DAGLA: variants seen among roughly 807,000 people sequenced by gnomAD.
DAGLA encodes diacylglycerol lipase-alpha.
A neutral mutation model predicts 102.6 loss-of-function variants in DAGLA; 22 were observed. The observed-to-expected ratio is 0.21, with a 90% confidence interval of 0.15 to 0.31. The LOEUF (loss-of-function observed/expected upper bound fraction) is 0.31. Among genes scored for constraint, DAGLA ranks in the 10% least tolerant of loss-of-function variants. DAGLA has a pLI of 1.00. For missense variants in DAGLA, 927 were observed against 1,446.6 expected (o/e 0.64, Z 5.83); for synonymous variants, 578 against 628.9 (o/e 0.92, Z 1.21).
chr11:61,717,534 T>A (rs2065245578), intron 1 of DAGLA, among the ~76,000 whole-genome samples: 1 of 152,214 alleles, frequency 6.6e-6, no homozygotes, highest in Admixed American at 6.5e-5. Context: ...TCACCAGGAC[T>A]TTAGGAGGTA....
chr11:61,740,439 C>A (rs770223028), intron 17 of DAGLA, 24 bp from the exon 18 acceptor site: 1 of 1,610,010 alleles, frequency 6.2e-7, no homozygotes, highest in Admixed American at 1.7e-5. Flanking sequence ...ACCCTTAACT[C>A]CCCTCTGTCC....
intron 4 of DAGLA, 45 bp downstream of exon 4, chr11:61,723,005 C>CACAGGGGA (rs1189763574): frequency 4.8e-6 from 7 of 1,458,570 alleles, no homozygotes; most frequent in Non-Finnish European, 5.8e-6. Flanking sequence ...GCCCCGGGGG[C>CACAGGGGA]ACAGGGGACG....
chr11:61,745,265 A>T lies in DAGLA; in HGVS notation c.*776A>T, dbSNP rs1446442568. On this transcript the variant is annotated 3_prime_UTR_variant, in exon 20 of 20. Coordinates refer to ENST00000257215, the MANE Select transcript of DAGLA (RefSeq NM_006133.3). ...CCTGGCTTACCTTCTACCCCCAAGG[A>T]TCCTCACCACCCAAAGGGTGGTGGG... 3 of 152,440 alleles carry T rather than the reference A, an allele frequency of 2.0e-5. No individual in the cohort carries two copies. Among genetic ancestry groups the T allele is most frequent in the African/African-American group, 7.3e-5 (3 of 41,274 alleles). 9.4% of individuals were successfully genotyped at this position (152,440 alleles called of 1,614,324 possible).
chr11:61,743,410 TCAA>T lies in DAGLA; in HGVS notation c.2172-117_2172-115del, dbSNP rs905089201. 2.7e-4 allele frequency: 165 copies of T among 610,776 alleles called. No homozygotes were observed. In the Middle Eastern group the frequency reaches 3.3e-3, roughly 12 times the overall value. 37.8% of individuals were successfully genotyped at this position (610,776 alleles called of 1,614,324 possible). On this transcript the variant is annotated intron_variant, in intron 19 of 19. Transcript: ENST00000257215. ...AATAAGCATTCCCTGCTGCACATCA[TCAA>T]CAACTGCTAAATGAACTGTACCCTT...
At chr11:61,710,448 C>T (rs922113388) in intron 1 of DAGLA, among the ~76,000 whole-genome samples, 10 of 152,122 alleles carry the variant, frequency 6.6e-5, no homozygotes, top group South Asian at 2.1e-4. Context: ...CTGATAGATG[C>T]GGGGCATCCT....
In DAGLA at chr11:61,746,227, CTG is replaced by C. The variant is rs2065537877; in HGVS notation, c.*1740_*1741del. 6.6e-6 allele frequency: 1 copy of C among 152,360 alleles called. No homozygotes were observed. Among genetic ancestry groups the C allele is most frequent in the African/African-American group, 2.4e-5 (1 of 41,450 alleles). The allele number at this position is 152,360 out of a possible 1,614,324, so 9.4% of individuals were successfully genotyped here. On this transcript the variant is annotated 3_prime_UTR_variant, in exon 20 of 20. Coordinates refer to ENST00000257215, the MANE Select transcript of DAGLA (RefSeq NM_006133.3). Reference sequence around the variant, plus strand: ...AGGGAGCTGGGCCTCCCCTCATCCTCTGTAACTCCCGCCTTCACCAGACTCAA... The same window carrying C: ...AGGGAGCTGGGCCTCCCCTCATCCTCTAACTCCCGCCTTCACCAGACTCAA...
intron 1 of DAGLA, among the ~76,000 whole-genome samples, chr11:61,701,351 C>T (rs1250324489): frequency 6.6e-6 from 1 of 152,202 alleles, no homozygotes; most frequent in African/African-American, 2.4e-5. Flanking sequence ...CCAGCCTCTC[C>T]GCTGCCAGGC....
At position 61,739,679 on chromosome 11, in the gene DAGLA, C is replaced by T; in HGVS notation, c.1853+18C>T. 6.2e-7 allele frequency: 1 copy of T among 1,610,716 alleles called. No homozygotes were observed. The highest frequency in any genetic ancestry group is 8.5e-7 in the Non-Finnish European group (1 of 1,179,052). On this transcript the variant is annotated intron_variant, in intron 17 of 19. Coordinates refer to ENST00000257215, the MANE Select transcript of DAGLA (RefSeq NM_006133.3). ...CAGTGCTGGTAGGTTCTGCCAGGGT[C>T]TGCTGCTGCAGGGGGTAGTGGCCAG...
Position 61,720,230 on chromosome 11 carries a change from C to T in DAGLA, c.75C>T (p.Leu25=), listed in dbSNP as rs771951791. The change falls in exon 2 of 20, where the codon CTC becomes CTT. Residue 25 remains leucine (L), a synonymous_variant. Transcript: ENST00000257215. ...ACCTCGTCCTACCGGCCATCTTCCT[C>T]TTTCTCCTGCATACCACCTGGTGAG... ...SDDLVLPAIF[L]FLLHTTWFVI... 3.1e-6 allele frequency: 5 copies of T among 1,613,854 alleles called. No homozygotes were observed. The highest frequency in any genetic ancestry group is 8.5e-7 in the Non-Finnish European group (1 of 1,180,042).
At chr11:61,704,421 G>A (rs1171082548) in intron 1 of DAGLA, among the ~76,000 whole-genome samples, 5 of 152,308 alleles carry the variant, frequency 3.3e-5, no homozygotes, top group South Asian at 2.1e-4. Flanking sequence ...TGCCCTGCCC[G>A]ACCAAAGGAT....
chr11:61,742,479 TGAA>T (rs946884636), intron 19 of DAGLA, among the ~76,000 whole-genome samples: 17 of 152,256 alleles, frequency 1.1e-4, no homozygotes, highest in African/African-American at 3.9e-4. Flanking sequence ...CACAACCCGA[TGAA>T]GAAGCCAGTG....
At chr11:61,735,840 G>C (rs371243885) in intron 12 of DAGLA, 24 bp downstream of exon 12, 38 of 1,587,452 alleles carry the variant, frequency 2.4e-5, no homozygotes, top group Non-Finnish European at 3.1e-5. Context: ...TGGACCCCAG[G>C]GCCCCTGGGC....
chr11:61,734,841 C>A lies in DAGLA; in HGVS notation c.975-8C>A. 2 of 1,609,700 alleles carry A rather than the reference C, an allele frequency of 1.2e-6. No individual in the cohort carries two copies. The highest frequency in any genetic ancestry group is 1.7e-6 in the Non-Finnish European group (2 of 1,176,562). ...CTGGCCCTGAACTCTCTTGTCACCC[C>A]ACCCTAGGTGTTGCCTGTGTCCTGC... On this transcript the variant is annotated splice_polypyrimidine_tract_variant and splice_region_variant and intron_variant, in intron 9 of 19. Transcript: ENST00000257215. This position sits in a 1 kb window ranked among gnomAD's most constrained non-coding sequence, Gnocchi z 4.2.
intron 2 of DAGLA, 93 bp downstream of exon 2, chr11:61,720,343 C>T: frequency 7.8e-7 from 1 of 1,289,690 alleles, no homozygotes; most frequent in Non-Finnish European, 1.1e-6. Flanking sequence ...TGCTTGGGCC[C>T]AAGTCCCAAC....
rs182475049 is a variant in DAGLA, at chr11:61,690,559, C to G, written c.-45+10055C>G. Among the ~76,000 whole-genome samples, 173 of 152,312 alleles carry G rather than the reference C, an allele frequency of 1.1e-3. 1 individual carries two copies. Among genetic ancestry groups the G allele is most frequent in the Admixed American group, 0.011 (173 of 15,302 alleles). On this transcript the variant is annotated intron_variant, in intron 1 of 19. Coordinates refer to ENST00000257215, the MANE Select transcript of DAGLA (RefSeq NM_006133.3). Reference sequence around the variant, plus strand: ...TTTTCTAGACACTCACCCCTCTAGGCTCTGTGCTCAGGACAGTCCCATGGC... The same window carrying G: ...TTTTCTAGACACTCACCCCTCTAGGGTCTGTGCTCAGGACAGTCCCATGGC...
At position 61,727,206 on chromosome 11, in the gene DAGLA, T is replaced by C. The variant is rs550635812; in HGVS notation, c.637-947T>C. Among the ~76,000 whole-genome samples the C allele has an allele frequency of 5.3e-5, 8 of 152,356 alleles. No homozygotes were observed. The South Asian group carries it at 1.7e-3, about 32-fold the overall frequency. ...GTGTTGTGTTGCTTACACATTTTAATTGGATGCCAGCATTTAAAAATCAGG... is the reference window on the plus strand; with the variant it reads ...GTGTTGTGTTGCTTACACATTTTAACTGGATGCCAGCATTTAAAAATCAGG... On this transcript the variant is annotated intron_variant, in intron 6 of 19. Transcript: ENST00000257215.
Position 61,746,200 on chromosome 11 carries a change from AGAGG to A in DAGLA, c.*1715_*1718del, listed in dbSNP as rs748686237. 1 of 75,372 alleles carries A rather than the reference AGAGG, an allele frequency of 1.3e-5. No individual in the cohort carries two copies. The highest frequency in any genetic ancestry group is 3.2e-5 in the Non-Finnish European group (1 of 31,006). The allele number at this position is 75,372 out of a possible 1,614,324, so 4.7% of individuals were successfully genotyped here. A position where few individuals can be genotyped will look rare whatever the true frequency, so the allele number is the denominator to read the frequency against. On this transcript the variant is annotated 3_prime_UTR_variant, in exon 20 of 20. Transcript: ENST00000257215. ...CCTGGGAGCCCCTGCCCACCCTGAC[AGAGG>A]GAGCTGGGCCTCCCCTCATCCTCTG...
rs1162680880 is a variant in DAGLA at position 61,746,688 on chromosome 11, C to G, written c.*2199C>G. On this transcript the variant is annotated 3_prime_UTR_variant, in exon 20 of 20. Coordinates refer to ENST00000257215, the MANE Select transcript of DAGLA (RefSeq NM_006133.3). ...ACACTGGGGGGTCTGAGCCACCCCC[C>G]TCAGCCCCGTTCGGCTCAGACCGAC... The G allele has an allele frequency of 1.3e-5, 2 of 152,602 alleles. No homozygotes were observed. The highest frequency in any genetic ancestry group is 4.8e-5 in the African/African-American group (2 of 41,440). 9.5% of individuals were successfully genotyped at this position (152,602 alleles called of 1,614,324 possible). A position where few individuals can be genotyped will look rare whatever the true frequency, so the allele number is the denominator to read the frequency against.
intron 1 of DAGLA, among the ~76,000 whole-genome samples, chr11:61,689,354 A>C (rs2065007705): frequency 6.6e-6 from 1 of 152,186 alleles, no homozygotes; most frequent in Admixed American, 6.5e-5. Context: ...CCTGGTCTCC[A>C]AGATTATCCA....
Sources: allele counts gnomAD v4.1 joint callset (sites outside exome capture counted in the v4.1 genomes callset), GRCh38; gene constraint gnomAD v4.1.1; non-coding constraint Gnocchi (gnomAD v3.1); transcripts MANE v1.5; gene names NCBI Gene and HGNC (gene_info 2026-07-23, HGNC 2026-07-21).